Variants in TCHH observed in about 807,000 individuals in gnomAD.
TCHH encodes the protein trichohyalin.
In TCHH, 6 loss-of-function variants were observed where a neutral mutation model predicts 6.3. The ratio of observed to expected loss-of-function variants is 0.95; its 90% CI spans 0.52 to 1.88. The LOEUF is 1.88. TCHH is among the 40% of genes most tolerant of loss of function. The pLI is 0.01. For synonymous variants in TCHH, 1,087 were observed against 963.6 expected, an observed-to-expected ratio of 1.13 and a Z score of -2.37; for missense variants, 2,920 against 2,449.1, an observed-to-expected ratio of 1.19 and a Z score of -4.06.
In TCHH at chr1:152,111,896, C is replaced by T. The variant is rs746811509; in HGVS notation, c.1321G>A (p.Glu441Lys). ...EERHEQKHEQ[E>K]RREQRLKREQ... ...CGCTTCAGCCGCTGCTCGCGCCTCT[C>T]CTGCTCGTGCTTCTGCTCGTGCCTC... The change falls in exon 3 of 3, where the codon GAG becomes AAG. Residue 441 changes from glutamate (E) to lysine (K), a missense_variant. Coordinates refer to ENST00000614923, the MANE Select transcript of TCHH (RefSeq NM_007113.4). The T allele has an allele frequency of 1.3e-6, 2 of 1,598,130 alleles. No individual in the cohort carries two copies. Among genetic ancestry groups the T allele is most frequent in the South Asian group, 2.2e-5 (2 of 90,526 alleles).
In TCHH at chr1:152,108,180, C is replaced by T. The variant is rs1189628763; in HGVS notation, c.5037G>A (p.Gly1679=). 2.5e-6 allele frequency: 4 copies of T among 1,613,564 alleles called. No homozygotes were observed. The highest frequency in any genetic ancestry group is 3.4e-6 in the Non-Finnish European group (4 of 1,179,922). ...FREEEQLLQE[G]EEQQLRRQER... ...CTTGGCGGCGCAGCTGCTGTTCCTCCCCTTCCTGGAGCAGCTGTTCCTCTT... is the reference window on the plus strand; with the variant it reads ...CTTGGCGGCGCAGCTGCTGTTCCTCTCCTTCCTGGAGCAGCTGTTCCTCTT... Residue 1679 remains glycine, a synonymous_variant, in exon 3 of 3, where the codon GGG becomes GGA. Coordinates refer to ENST00000614923, the MANE Select transcript of TCHH (RefSeq NM_007113.4).
Position 152,108,541 on chromosome 1 carries a change from T to C in TCHH, c.4676A>G (p.Glu1559Gly). Reference protein sequence around the residue: ...RRQDRDRKFREEEQLRQEREE... With the variant: ...RRQDRDRKFRGEEQLRQEREE... ...CCTCTCCTGGCGCAGCTGTTCCTCC[T>C]CGCGGAATTTTCTGTCACGGTCCTG... The change falls in exon 3 of 3, where the codon GAG (glutamate) becomes GGG (glycine). Residue 1559 changes from glutamate (E) to glycine (G), a missense_variant. Transcript: ENST00000614923. 3 of 1,610,670 alleles carry C rather than the reference T, an allele frequency of 1.9e-6. No homozygotes were observed. The highest frequency in any genetic ancestry group is 2.3e-5 in the East Asian group (1 of 44,310).
chr1:152,107,101 C>G lies in TCHH; in HGVS notation c.*284G>C. On this transcript the variant is annotated 3_prime_UTR_variant, in exon 3 of 3. Transcript: ENST00000614923. ...TGAACATGTTCCTCAAACAAAATTT[C>G]TTAAACAAATTAAATGATTTATATT... 3.6e-6 allele frequency: 1 copy of G among 278,972 alleles called. No individual in the cohort carries two copies. The highest frequency in any genetic ancestry group is 1.1e-3 in the Middle Eastern group (1 of 932). The allele number at this position is 278,972 out of a possible 1,614,324, so 17.3% of individuals were successfully genotyped here. A position where few individuals can be genotyped will look rare whatever the true frequency, so the allele number is the denominator to read the frequency against.
Position 152,109,900 on chromosome 1 carries a change from C to A in TCHH, c.3317G>T (p.Arg1106Leu), listed in dbSNP as rs200755879. Residue 1106 changes from arginine to leucine, a missense_variant, in exon 3 of 3, where the codon CGG (arginine) becomes CTG (leucine). Coordinates refer to ENST00000614923, the MANE Select transcript of TCHH (RefSeq NM_007113.4). Reference sequence around the variant, plus strand: ...CTCTTCCTCCCGACATTGCCTCTCCCGCTCCTGGCGCCTTCTCTTCTCCGG... The same window carrying A: ...CTCTTCCTCCCGACATTGCCTCTCCAGCTCCTGGCGCCTTCTCTTCTCCGG... ...EEPEKRRRQE[R>L]ERQCREEEEL... 263 of 1,558,306 alleles carry A rather than the reference C, an allele frequency of 1.7e-4. 1 individual carries two copies. In the African/African-American group the frequency reaches 3.4e-3, roughly 20 times the overall value.
rs780392318 is a variant in TCHH, at chr1:152,111,222, T to TTCC, written c.1992_1994dup (p.Glu666dup). On this transcript the variant is annotated inframe_insertion, in exon 3 of 3. Transcript: ENST00000614923. ...GCTTCAGCCGCTGCTCGAGCCTCTCTTCCTCCTCCTCGCGCTTCAGCCGCT... is the reference window on the plus strand; with the variant it reads ...GCTTCAGCCGCTGCTCGAGCCTCTCTTCCTCCTCCTCCTCGCGCTTCAGCCGCT... 4 of 1,547,510 alleles carry TTCC rather than the reference T, an allele frequency of 2.6e-6. No individual in the cohort carries two copies. The highest frequency in any genetic ancestry group is 3.5e-6 in the Non-Finnish European group (4 of 1,147,504).
rs371125661 is a variant in TCHH, at chr1:152,109,729, C to T, written c.3488G>A (p.Arg1163His). ...LLREEPEKRRRQELERQYREE... is the reference protein window; with the variant it reads ...LLREEPEKRRHQELERQYREE... The stretch of plus-strand genomic sequence containing the variant: ...GCGGTATTGCCTCTCCAGCTCCTGG[C>T]GCCTTCTCTTCTCCGGTTCCTCTCT... Residue 1163 changes from arginine (R) to histidine (H), a missense_variant, in exon 3 of 3, where the codon CGC (arginine) becomes CAC (histidine). Transcript: ENST00000614923. 10 of 1,602,454 alleles carry T rather than the reference C, an allele frequency of 6.2e-6. No homozygotes were observed. In the South Asian group the frequency reaches 8.9e-5, roughly 14 times the overall value.
Position 152,112,874 on chromosome 1 carries a change from G to C in TCHH, c.343C>G (p.Gln115Glu). The C allele has an allele frequency of 6.2e-7, 1 of 1,613,704 alleles. No homozygotes were observed. The highest frequency in any genetic ancestry group is 2.2e-5 in the East Asian group (1 of 44,816). The part of the protein sequence containing the change: ...GKESLLQDRR[Q>E]EEDQRRFEPR... ...TCGAATCTCCTTTGGTCTTCTTCTTGCCTGCGATCTTGTAACAGGCTCTCC... is the reference window on the plus strand; with the variant it reads ...TCGAATCTCCTTTGGTCTTCTTCTTCCCTGCGATCTTGTAACAGGCTCTCC... The change falls in exon 3 of 3, where the codon CAA becomes GAA. Residue 115 changes from glutamine to glutamate, a missense_variant. Gln to Glu is a conservative substitution (Grantham distance 29). Transcript: ENST00000614923.
At chr1:152,113,859 A>G (rs1658447064) in intron 2 of TCHH, 84 bp downstream of exon 2, 2 of 1,505,516 alleles carry the variant, frequency 1.3e-6, no homozygotes, top group Non-Finnish European at 1.8e-6. Flanking sequence ...TGAATATAAA[A>G]CCACCATTCC....
Position 152,114,021 on chromosome 1 carries a change from A to C in TCHH, c.60T>G (p.Ser20=), listed in dbSNP as rs374427841. Residue 20 remains serine (S), a synonymous_variant, in exon 2 of 3, where the codon TCT becomes TCG. Coordinates refer to ENST00000614923, the MANE Select transcript of TCHH (RefSeq NM_007113.4). ...DITEIFNQYV[S]HDCDGAALTK... ...TTAATGCTGCTCCATCACAATCATG[A>C]GAGACATACTGATTGAAAATTTCAG... 6.2e-7 allele frequency: 1 copy of C among 1,613,690 alleles called. No homozygotes were observed. The highest frequency in any genetic ancestry group is 8.5e-7 in the Non-Finnish European group (1 of 1,179,932).
intron 2 of TCHH, among the ~76,000 whole-genome samples, 172 bp from the exon 3 acceptor site, chr1:152,113,250 C>T (rs528683839): frequency 3.0e-4 from 46 of 152,280 alleles, no homozygotes; most frequent in Middle Eastern, 3.4e-3. Context: ...TGAACCCTCA[C>T]TTTAAAGCAT....
At position 152,109,428 on chromosome 1, in the gene TCHH, G is replaced by A. The variant is rs750663773; in HGVS notation, c.3789C>T (p.Ser1263=). The change falls in exon 3 of 3, where the codon TCC becomes TCT. Residue 1263 remains serine, a synonymous_variant. Coordinates refer to ENST00000614923, the MANE Select transcript of TCHH (RefSeq NM_007113.4). ...CCAGCAGGTGCTGCAGATCTTGCTG[G>A]GATTGTCTGTCGCGCAGCTGGGAAT... is the stretch of plus-strand genomic sequence containing the variant. ...LEDSQLRDRQ[S]QQDLQHLLGE... The A allele has an allele frequency of 4.3e-6, 7 of 1,613,468 alleles. No homozygotes were observed. Among genetic ancestry groups the A allele is most frequent in the Non-Finnish European group, 5.9e-6 (7 of 1,179,554 alleles).
rs1331622643 is a variant in TCHH at position 152,111,025 on chromosome 1, C to T, written c.2192G>A (p.Arg731His). The change falls in exon 3 of 3, where the codon CGC becomes CAC. Residue 731 changes from arginine to histidine, a missense_variant. Physicochemically the swap from Arg to His is conservative, Grantham distance 29. Coordinates refer to ENST00000614923, the MANE Select transcript of TCHH (RefSeq NM_007113.4). ...CCTCTTTTCCTCCTGCTCTTGGCGG[C>T]GCCTCTGCCCTTCCTGCTTGCGGGG... ...SRPRKQEGQRRRQEQEEKRRR... is the reference protein window; with the variant it reads ...SRPRKQEGQRHRQEQEEKRRR... The T allele has an allele frequency of 3.1e-6, 5 of 1,613,318 alleles. No homozygotes were observed. The African/African-American group carries it at 5.3e-5, about 17-fold the overall frequency.
chr1:152,108,114 G>A lies in TCHH; in HGVS notation c.5103C>T (p.Arg1701=). Residue 1701 remains arginine, a synonymous_variant, in exon 3 of 3, where the codon CGC becomes CGT. Coordinates refer to ENST00000614923, the MANE Select transcript of TCHH (RefSeq NM_007113.4). The part of the protein sequence containing the change: ...RKFREEEQQL[R]RQERERKFLQ... The stretch of plus-strand genomic sequence containing the variant: ...GGAATTTTCTCTCTCGTTCCTGACG[G>A]CGGAGCTGCTGTTCCTCTTCGCGGA... The A allele has an allele frequency of 1.2e-6, 2 of 1,607,598 alleles. No homozygotes were observed. Among genetic ancestry groups the A allele is most frequent in the African/African-American group, 1.4e-5 (1 of 72,320 alleles).
rs1375866344 is a variant in TCHH at position 152,107,421 on chromosome 1, C to A, written c.5796G>T (p.Glu1932Asp). ...ATTGAGATCTCTGCTCTTGGATGTA[C>A]TCATAGAGAGGGCTGGAGCGCACTG... ...SVPVRSSPLY[E>D]YIQEQRSQYR... is the part of the protein sequence containing the mutation. The change falls in exon 3 of 3, where the codon GAG becomes GAT. Residue 1932 changes from glutamate (E) to aspartate (D), a missense_variant. Transcript: ENST00000614923. 7 of 1,604,846 alleles carry A rather than the reference C, an allele frequency of 4.4e-6. No homozygotes were observed. The East Asian group carries it at 1.1e-4, about 26-fold the overall frequency.
rs895422720 is a variant in TCHH at position 152,111,348 on chromosome 1, C to A, written c.1869G>T (p.Glu623Asp). 1 of 1,610,708 alleles carries A rather than the reference C, an allele frequency of 6.2e-7. No individual in the cohort carries two copies. Among genetic ancestry groups the A allele is most frequent in the Admixed American group, 1.7e-5 (1 of 59,824 alleles). ...EERREQRLKR[E>D]EPEEERRQQL... is the part of the protein sequence containing the mutation. ...GCTGGCGCCTCTCTTCCTCCGGCTC[C>A]TCGCGCTTCAGCCGCTGCTCGCGCC... The change falls in exon 3 of 3, where the codon GAG becomes GAT. Residue 623 changes from glutamate to aspartate, a missense_variant. Coordinates refer to ENST00000614923, the MANE Select transcript of TCHH (RefSeq NM_007113.4).
rs1197126270 is a variant in TCHH at position 152,109,169 on chromosome 1, C to G, written c.4048G>C (p.Glu1350Gln). ...CGCTCTTGGCGGCGCAGCGGCTGTT[C>G]CTCCCTTTCCTGGAGCAGCTGTTCC... The part of the protein sequence containing the change: ...EEEQLLQERE[E>Q]QPLRRQERDR... The change falls in exon 3 of 3, where the codon GAA becomes CAA. Residue 1350 changes from glutamate (E) to glutamine (Q), a missense_variant. Glu to Gln is a conservative substitution (Grantham distance 29, BLOSUM62 2). Coordinates refer to ENST00000614923, the MANE Select transcript of TCHH (RefSeq NM_007113.4). 6.2e-7 allele frequency: 1 copy of G among 1,613,602 alleles called. No homozygotes were observed. The highest frequency in any genetic ancestry group is 8.5e-7 in the Non-Finnish European group (1 of 1,179,760).
Position 152,109,764 on chromosome 1 carries a change from C to T in TCHH, c.3453G>A (p.Glu1151=). ...REEEEVQQEE[E]QLLREEPEKR... is the part of the protein sequence containing the mutation. ...TCTCCGGTTCCTCTCTCAGCAGCTGCTCTTCCTCCTGCTGCACCTCCTCTT... is the reference window on the plus strand; with the variant it reads ...TCTCCGGTTCCTCTCTCAGCAGCTGTTCTTCCTCCTGCTGCACCTCCTCTT... Residue 1151 remains glutamate (E), a synonymous_variant, in exon 3 of 3, where the codon GAG becomes GAA. Transcript: ENST00000614923. The T allele has an allele frequency of 6.3e-7, 1 of 1,582,882 alleles. No homozygotes were observed. Among genetic ancestry groups the T allele is most frequent in the African/African-American group, 1.4e-5 (1 of 73,392 alleles).
rs372726423 is a variant in TCHH, at chr1:152,110,351, G to A, written c.2866C>T (p.Arg956Trp). ...EEREKRRRQE[R>W]ERQYRKDKKL... ...TTATCCTTCCGATATTGCCTTTCCC[G>A]CTCCTGGCGTCTTCTTTTCTCCCGT... The change falls in exon 3 of 3, where the codon CGG becomes TGG. Residue 956 changes from arginine to tryptophan, a missense_variant. By Grantham distance (101) the Arg-to-Trp change is moderately radical. Transcript: ENST00000614923. 2 of 1,607,554 alleles carry A rather than the reference G, an allele frequency of 1.2e-6. No individual in the cohort carries two copies. The highest frequency in any genetic ancestry group is 1.1e-5 in the South Asian group (1 of 90,332).
chr1:152,107,561 G>T lies in TCHH; in HGVS notation c.5656C>A (p.Arg1886Ser). 1 of 1,614,042 alleles carries T rather than the reference G, an allele frequency of 6.2e-7. No homozygotes were observed. Among genetic ancestry groups the T allele is most frequent in the Non-Finnish European group, 8.5e-7 (1 of 1,179,998 alleles). ...CTCTGTTCCTCCTTCTGCTGGCGGCGGATGTGTTCTTCCCGTAATTTCCTT... is the reference window on the plus strand; with the variant it reads ...CTCTGTTCCTCCTTCTGCTGGCGGCTGATGTGTTCTTCCCGTAATTTCCTT... ...RERKLREEHIRRQQKEEQRHR... is the reference protein window; with the variant it reads ...RERKLREEHISRQQKEEQRHR... The change falls in exon 3 of 3, where the codon CGC becomes AGC. Residue 1886 changes from arginine to serine, a missense_variant. Physicochemically the swap from Arg to Ser is moderately radical, Grantham distance 110. Coordinates refer to ENST00000614923, the MANE Select transcript of TCHH (RefSeq NM_007113.4).
Sources: gnomAD v4.1 joint callset for allele counts (sites outside exome capture counted in the v4.1 genomes callset) on GRCh38, gnomAD v4.1.1 for gene constraint, MANE v1.5 for transcripts, NCBI Gene and HGNC (gene_info 2026-07-23, HGNC 2026-07-21) for gene names.